The following CNTNAP2 variants were observed in gnomAD, a reference collection of about 807,000 sequenced individuals.
CNTNAP2 encodes contactin associated protein 2.
A neutral mutation model predicts 155.2 loss-of-function variants in CNTNAP2; 98 were observed. That is an observed-to-expected ratio of 0.63 (90% confidence interval 0.54 to 0.75). The LOEUF (loss-of-function observed/expected upper bound fraction) is 0.75, where lower values mean the gene tolerates loss of function less well. CNTNAP2 is among the 30% of genes least tolerant of loss of function. The pLI, the probability that CNTNAP2 is intolerant of heterozygous loss-of-function variation, is 0.00. For synonymous variants in CNTNAP2, 651 were observed against 631.2 expected, an observed-to-expected ratio of 1.03 and a Z score of -0.47; for missense variants, 1,727 against 1,688.1, an observed-to-expected ratio of 1.02 and a Z score of -0.40.
chr7:146,229,592 A>G (rs1799351254), intron 1 of CNTNAP2, among the ~76,000 whole-genome samples: 1 of 151,924 alleles, frequency 6.6e-6, no homozygotes, highest in African/African-American at 2.4e-5. Context: ...GCATTGTTAC[A>G]TTAATTTTTT....
At chr7:147,581,444 C>A (rs923134737) in intron 12 of CNTNAP2, among the ~76,000 whole-genome samples, 1 of 152,174 alleles carries the variant, frequency 6.6e-6, no homozygotes, top group African/African-American at 2.4e-5. Context: ...CAATTCCAAT[C>A]AAAATGCTCC....
At chr7:147,984,456 A>C (rs1016075335) in intron 15 of CNTNAP2, among the ~76,000 whole-genome samples, 3 of 152,194 alleles carry the variant, frequency 2.0e-5, no homozygotes, top group Non-Finnish European at 2.9e-5. Flanking sequence ...TTTGCCAATA[A>C]GTTTCAGAGT....
At chr7:146,974,830 C>G (rs145306839) in intron 3 of CNTNAP2, among the ~76,000 whole-genome samples, 2 of 152,138 alleles carry the variant, frequency 1.3e-5, no homozygotes, top group East Asian at 3.9e-4. Flanking sequence ...GAAATCCCAT[C>G]TCTACTAAAA....
intron 1 of CNTNAP2, among the ~76,000 whole-genome samples, chr7:146,198,244 A>G (rs774162802): frequency 2.0e-5 from 3 of 152,176 alleles, no homozygotes; most frequent in Non-Finnish European, 4.4e-5. Flanking sequence ...TTTTGGTACA[A>G]TTTGGAAATA....
At chr7:146,868,042 A>G (rs1029497212) in intron 3 of CNTNAP2, among the ~76,000 whole-genome samples, 2 of 151,854 alleles carry the variant, frequency 1.3e-5, no homozygotes, top group African/African-American at 4.8e-5. Flanking sequence ...CCACTTGTCA[A>G]TTTTTTCTTT....
intron 18 of CNTNAP2, among the ~76,000 whole-genome samples, chr7:148,196,717 A>T (rs117550040): frequency 0.018 from 2,731 of 152,348 alleles, 41 homozygotes; most frequent in South Asian, 0.033. Context: ...AAGGATTTGA[A>T]CATAGACAAT....
chr7:147,714,115 C>T (rs2117019502), intron 13 of CNTNAP2, among the ~76,000 whole-genome samples: 1 of 152,106 alleles, frequency 6.6e-6, no homozygotes. Context: ...CATAAGAACC[C>T]TATGAATGTG....
chr7:148,388,452 T>C (rs936921723), intron 22 of CNTNAP2, among the ~76,000 whole-genome samples: 1 of 152,102 alleles, frequency 6.6e-6, no homozygotes, highest in African/African-American at 2.4e-5. Flanking sequence ...ATTTCATCCA[T>C]GTCCCTAGAA....
chr7:146,166,984 C>T (rs1160805089), intron 1 of CNTNAP2, among the ~76,000 whole-genome samples: 1 of 152,170 alleles, frequency 6.6e-6, no homozygotes, highest in African/African-American at 2.4e-5. Flanking sequence ...AGGCTTCCCA[C>T]CTGACATGTA....
intron 3 of CNTNAP2, among the ~76,000 whole-genome samples, chr7:146,869,013 C>T (rs1795256272): frequency 6.6e-6 from 1 of 152,160 alleles, no homozygotes; most frequent in Non-Finnish European, 1.5e-5. Context: ...TTATTTCTTT[C>T]TCTTGCCTGA....
chr7:146,210,389 C>T (rs1417474745), intron 1 of CNTNAP2, among the ~76,000 whole-genome samples: 4 of 152,180 alleles, frequency 2.6e-5, no homozygotes, highest in Admixed American at 6.5e-5. Context: ...AATTTTTCTC[C>T]GCCTCCCGGG....
At chr7:146,887,979 A>G (rs990688851) in intron 3 of CNTNAP2, among the ~76,000 whole-genome samples, 3 of 152,152 alleles carry the variant, frequency 2.0e-5, no homozygotes, top group Non-Finnish European at 4.4e-5. Flanking sequence ...TATCTTTGAT[A>G]ACCTTGATTT....
Position 147,441,813 on chromosome 7 carries a change from T to TTCTCTCTCTCTCTCTCTCTCTC in CNTNAP2, c.1671-44105_1671-44084dup, listed in dbSNP as rs568227936. Reference sequence around the variant, plus strand: ...TTTCTTCCAACCAAATGTAGTCTCTTTCTCTCTCTCTCTCTCTCTCTCTCT... The same window carrying TTCTCTCTCTCTCTCTCTCTCTC: ...TTTCTTCCAACCAAATGTAGTCTCTTTCTCTCTCTCTCTCTCTCTCTCTCTCTCTCTCTCTCTCTCTCTCTCT... On this transcript the variant is annotated intron_variant, in intron 10 of 23. Coordinates refer to ENST00000361727, the MANE Select transcript of CNTNAP2 (RefSeq NM_014141.6). Among the ~76,000 whole-genome samples, 36 of 102,164 alleles carry TTCTCTCTCTCTCTCTCTCTCTC rather than the reference T, an allele frequency of 3.5e-4. 3 individuals carry two copies. Among genetic ancestry groups the TTCTCTCTCTCTCTCTCTCTCTC allele is most frequent in the Admixed American group, 3.0e-3 (24 of 7,916 alleles). The allele number at this position is 102,164 out of a possible 152,430, so 67.0% of individuals were successfully genotyped here.
intron 3 of CNTNAP2, among the ~76,000 whole-genome samples, chr7:146,972,543 A>AAT (rs1412291356): frequency 1.3e-5 from 2 of 152,216 alleles, no homozygotes; most frequent in African/African-American, 4.8e-5. Context: ...TAAAGCAGGT[A>AAT]ATATAATTTA....
chr7:147,284,314 T>A (rs1210126187), intron 8 of CNTNAP2, among the ~76,000 whole-genome samples: 1 of 151,764 alleles, frequency 6.6e-6, no homozygotes, highest in Non-Finnish European at 1.5e-5. Flanking sequence ...GTGATAAAAA[T>A]TTGGAGGACA....
intron 1 of CNTNAP2, among the ~76,000 whole-genome samples, chr7:146,496,760 A>G (rs1797221433): frequency 6.6e-6 from 1 of 152,202 alleles, no homozygotes; most frequent in Non-Finnish European, 1.5e-5. Context: ...GAACTATTAG[A>G]TGATATTTGA....
At chr7:146,753,794 A>G (rs775741959) in intron 1 of CNTNAP2, among the ~76,000 whole-genome samples, 5 of 152,068 alleles carry the variant, frequency 3.3e-5, no homozygotes, top group Non-Finnish European at 7.4e-5. Flanking sequence ...TCTGTTTGCC[A>G]TATGGTGTTA....
At chr7:147,529,236 A>G (rs947697424) in intron 11 of CNTNAP2, among the ~76,000 whole-genome samples, 5 of 152,214 alleles carry the variant, frequency 3.3e-5, no homozygotes, top group Non-Finnish European at 5.9e-5. Flanking sequence ...CTCTTTCCCA[A>G]TGCAAATAAA....
chr7:146,611,041 T>G (rs1799128075), intron 1 of CNTNAP2, among the ~76,000 whole-genome samples: 1 of 152,220 alleles, frequency 6.6e-6, no homozygotes, highest in South Asian at 2.1e-4. Context: ...TATGATTTAA[T>G]GATTTCAGGA....
Sources: allele counts gnomAD v4.1 joint callset (sites outside exome capture counted in the v4.1 genomes callset), GRCh38; gene constraint gnomAD v4.1.1; transcripts MANE v1.5; gene names NCBI Gene and HGNC (gene_info 2026-07-23, HGNC 2026-07-21).